Variants in FRMD6 observed in about 807,000 individuals in gnomAD.
FRMD6 encodes the protein FERM domain containing 6, also known as FERM domain-containing protein 6.
A neutral mutation model predicts 73.2 loss-of-function variants in FRMD6; 37 were observed. The ratio of observed to expected loss-of-function variants is 0.51; its 90% CI spans 0.39 to 0.66. The LOEUF (loss-of-function observed/expected upper bound fraction) is 0.66, where lower values mean the gene tolerates loss of function less well. Among genes scored for constraint, FRMD6 ranks in the 30% least tolerant of loss-of-function variants. The pLI, the probability that FRMD6 is intolerant of heterozygous loss-of-function variation, is 0.00. For missense variants in FRMD6, 714 were observed against 780.5 expected (o/e 0.91, Z 1.02); for synonymous variants, 273 against 282.2 (o/e 0.97, Z 0.33).
chr14:51,697,367 C>T (rs1034908052), intron 2 of FRMD6, among the ~76,000 whole-genome samples: 4 of 152,064 alleles, frequency 2.6e-5, no homozygotes, highest in East Asian at 1.9e-4. Context: ...TTTGCAATAA[C>T]GGATGAACCT....
At position 51,625,297 on chromosome 14, in the gene FRMD6, A is replaced by T. The variant is rs114669065; in HGVS notation, c.-147+54887A>T. Among the ~76,000 whole-genome samples, 359 of 152,128 alleles carry T rather than the reference A, an allele frequency of 2.4e-3. 1 individual carries two copies. The highest frequency in any genetic ancestry group is 8.0e-3 in the African/African-American group (334 of 41,506). The stretch of plus-strand genomic sequence containing the variant: ...GTGTTGGAGGAGGTGGTGGTTATAT[A>T]TTTTTCTTACTTAGCAGAAACTAAT... On this transcript the variant is annotated intron_variant, in intron 2 of 14. Coordinates refer to the FRMD6 transcript ENST00000356218.
At chr14:51,694,303 T>C (rs4243579) in intron 2 of FRMD6, among the ~76,000 whole-genome samples, 85,758 of 152,092 alleles carry the variant, frequency 0.56, 24,369 homozygotes, top group East Asian at 0.66. Flanking sequence ...TTCACTAAGA[T>C]TAAGCAATTC....
intron 1 of FRMD6, among the ~76,000 whole-genome samples, chr14:51,538,551 T>C (rs913374067): frequency 7.2e-5 from 11 of 152,378 alleles, no homozygotes; most frequent in African/African-American, 2.4e-4. Context: ...AGGTCAATTA[T>C]ATGTTTTGAA....
At chr14:51,428,936 GAGAA>G in the FRMD6 span, among the ~76,000 whole-genome samples, 1 of 96,092 alleles carries the variant, frequency 1.0e-5, no homozygotes, top group African/African-American at 4.2e-5. Context: ...GGGAGAGAGA[GAGAA>G]GGGGAGAGAC....
Position 51,720,380 on chromosome 14 carries a change from A to T in FRMD6, c.1350A>T (p.Leu450Phe), listed in dbSNP as rs749489504. 1 of 1,613,420 alleles carries T rather than the reference A, an allele frequency of 6.2e-7. No individual in the cohort carries two copies. The highest frequency in any genetic ancestry group is 1.7e-5 in the Admixed American group (1 of 60,024). The change falls in exon 11 of 14, where the codon TTA becomes TTT. Residue 450 changes from leucine (L) to phenylalanine (F), a missense_variant. By Grantham distance (22) the Leu-to-Phe change is conservative. Transcript: ENST00000344768. ...SGGKDRLEED[L>F]QDDEIEMLVD... Reference sequence around the variant, plus strand: ...GCAAAGACCGGCTGGAAGAGGACTTACAGGACGATGGTAACAGTACTGTCC... The same window carrying T: ...GCAAAGACCGGCTGGAAGAGGACTTTCAGGACGATGGTAACAGTACTGTCC...
chr14:51,700,409 A>G (rs1896232056), intron 3 of FRMD6, among the ~76,000 whole-genome samples: 1 of 151,992 alleles, frequency 6.6e-6, no homozygotes, highest in South Asian at 2.1e-4. Flanking sequence ...CCTGGAAGGG[A>G]TGTTTTGGCA....
At position 51,578,509 on chromosome 14, in the gene FRMD6, T is replaced by C. The variant is rs536611823; in HGVS notation, c.-147+8099T>C. On this transcript the variant is annotated intron_variant, in intron 2 of 14. Coordinates refer to the FRMD6 transcript ENST00000356218. ...ATGTTCATTGCCTCTAAGCAGAGCA[T>C]GCCCTTGCTTATTCGCTCTGGTTCT... Among the ~76,000 whole-genome samples, 4 of 152,370 alleles carry C rather than the reference T, an allele frequency of 2.6e-5. No individual in the cohort carries two copies. In the South Asian group the frequency reaches 8.3e-4, roughly 32 times the overall value.
At chr14:51,673,562 A>G (rs1240348380) in intron 1 of FRMD6, among the ~76,000 whole-genome samples, 2 of 152,198 alleles carry the variant, frequency 1.3e-5, no homozygotes, top group Admixed American at 6.5e-5. Context: ...TCTAAAAACC[A>G]TTTGATGTGT....
intron 1 of FRMD6, among the ~76,000 whole-genome samples, chr14:51,559,832 A>G (rs1887378456): frequency 6.6e-6 from 1 of 152,232 alleles, no homozygotes; most frequent in African/African-American, 2.4e-5. Context: ...TGGGTTATAC[A>G]AAGTGGTGGA....
chr14:51,510,011 C>T (rs1435982835), intron 1 of FRMD6, among the ~76,000 whole-genome samples: 1 of 152,214 alleles, frequency 6.6e-6, no homozygotes, highest in Non-Finnish European at 1.5e-5. Flanking sequence ...GCAATCTTCC[C>T]TTCAGGCCTA....
chr14:51,673,863 A>G (rs1368436333), intron 1 of FRMD6, among the ~76,000 whole-genome samples: 1 of 152,206 alleles, frequency 6.6e-6, no homozygotes, highest in Non-Finnish European at 1.5e-5. Context: ...GCATGTGACA[A>G]GTTAAGAGTC....
At chr14:51,440,292 G>A in the FRMD6 span, among the ~76,000 whole-genome samples, 1 of 152,120 alleles carries the variant, frequency 6.6e-6, no homozygotes, top group Admixed American at 6.5e-5. Flanking sequence ...TTCATCTTAG[G>A]AATATTTTCT....
At chr14:51,418,096 A>T in the FRMD6 span, among the ~76,000 whole-genome samples, 1 of 152,162 alleles carries the variant, frequency 6.6e-6, no homozygotes, top group African/African-American at 2.4e-5. Context: ...ATGGGTTCAA[A>T]CATCCTCCTT....
At chr14:51,487,993 C>T (rs773112695), upstream of FRMD6, among the ~76,000 whole-genome samples, 7 of 152,208 alleles carry the variant, frequency 4.6e-5, no homozygotes, top group Non-Finnish European at 7.3e-5. Context: ...TGCTTGCTTT[C>T]GTCATGGCTG....
At chr14:51,455,161 G>A in the FRMD6 span, among the ~76,000 whole-genome samples, 244 of 152,196 alleles carry the variant, frequency 1.6e-3, no homozygotes, top group Non-Finnish European at 8.8e-4. Context: ...GACTTCTTAG[G>A]ACATTAAATA....
At chr14:51,459,688 G>A in the FRMD6 span, among the ~76,000 whole-genome samples, 53 of 151,936 alleles carry the variant, frequency 3.5e-4, 1 homozygote, top group East Asian at 1.9e-4. Context: ...ATAGCCGGGC[G>A]TGGTGGCGGG....
intron 9 of FRMD6, among the ~76,000 whole-genome samples, chr14:51,713,192 C>T (rs776072701): frequency 3.9e-5 from 6 of 152,154 alleles, no homozygotes; most frequent in Non-Finnish European, 5.9e-5. Context: ...CACAGTGGCT[C>T]ACTCCTATAA....
intron 1 of FRMD6, among the ~76,000 whole-genome samples, chr14:51,507,857 C>T (rs1333429350): frequency 6.6e-6 from 1 of 152,198 alleles, no homozygotes; most frequent in Non-Finnish European, 1.5e-5. Flanking sequence ...CCCAAACCCA[C>T]AGGATGGCTT....
chr14:51,406,319 T>C, the FRMD6 span, among the ~76,000 whole-genome samples: 1 of 152,166 alleles, frequency 6.6e-6, no homozygotes, highest in African/African-American at 2.4e-5. Flanking sequence ...TGCTCTTTTT[T>C]GGTTCCTTAA....
Sources: gnomAD v4.1 joint callset for allele counts (sites outside exome capture counted in the v4.1 genomes callset) on GRCh38, gnomAD v4.1.1 for gene constraint, MANE v1.5 for transcripts, NCBI Gene and HGNC (gene_info 2026-07-23, HGNC 2026-07-21) for gene names.